Variants in CDK5RAP1 observed in about 807,000 individuals in gnomAD.
The protein encoded by CDK5RAP1 is CDK5RAP1 mitochondrial tRNA methylthiotransferase, also known as mitochondrial tRNA methylthiotransferase CDK5RAP1.
CDK5RAP1 carries 62 observed loss-of-function variants against 64.5 expected under a neutral mutation model. The observed-to-expected ratio is 0.96, with a 90% CI of 0.78 to 1.19. The LOEUF is 1.19. CDK5RAP1 is among the 50% of genes most tolerant of loss of function. The probability of loss-of-function intolerance (pLI) is 0.00; values close to 1 mark genes in which losing one functional copy is unlikely to be tolerated. For missense variants in CDK5RAP1, 657 were observed against 735.0 expected (o/e 0.89, Z 1.23); for synonymous variants, 250 against 261.9 (o/e 0.95, Z 0.44).
chr20:33,376,917 G>A (rs1247976743), intron 8 of CDK5RAP1, among the ~76,000 whole-genome samples: 2 of 152,170 alleles, frequency 1.3e-5, no homozygotes, highest in Non-Finnish European at 2.9e-5. Flanking sequence ...ATGATTTTGA[G>A]GGGCTCACGA....
rs565011192 is a variant in CDK5RAP1 at position 33,367,101 on chromosome 20, C to G, written c.1393-93G>C. 1,618 of 1,251,266 alleles carry G rather than the reference C, an allele frequency of 1.3e-3. 40 individuals carry two copies. In the South Asian group the frequency reaches 0.023, roughly 18 times the overall value. The allele number at this position is 1,251,266 out of a possible 1,614,324, so 77.5% of individuals were successfully genotyped here. On this transcript the variant is annotated intron_variant, in intron 11 of 13. Coordinates refer to ENST00000346416, the MANE Select transcript of CDK5RAP1 (RefSeq NM_016408.4). The stretch of plus-strand genomic sequence containing the variant: ...ACAGAGGGCGACCATGTTCATTCTA[C>G]CTACAAGTAACAGACACATGTACAG...
chr20:33,370,115 A>G (rs1206865755), intron 11 of CDK5RAP1, among the ~76,000 whole-genome samples: 1 of 152,214 alleles, frequency 6.6e-6, no homozygotes, highest in East Asian at 1.9e-4. Context: ...GGAATCACTG[A>G]GGATGGCTGG....
chr20:33,385,109 T>A (rs2146674261), intron 7 of CDK5RAP1, among the ~76,000 whole-genome samples: 1 of 152,270 alleles, frequency 6.6e-6, no homozygotes, highest in East Asian at 1.9e-4. Flanking sequence ...CAGCTCCCAG[T>A]GGGAGAAAGA....
Position 33,392,195 on chromosome 20 carries a change from G to T in CDK5RAP1, c.491C>A (p.Ala164Asp). The T allele has an allele frequency of 1.9e-6, 3 of 1,614,000 alleles. No homozygotes were observed. Among genetic ancestry groups the T allele is most frequent in the Non-Finnish European group, 2.5e-6 (3 of 1,179,880 alleles). Residue 164 changes from alanine to aspartate, a missense_variant, in exon 5 of 14, where the codon GCC (alanine) becomes GAC (aspartate). Physicochemically the swap from Ala to Asp is moderately radical, Grantham distance 126. Coordinates refer to ENST00000346416, the MANE Select transcript of CDK5RAP1 (RefSeq NM_016408.4). The stretch of plus-strand genomic sequence containing the variant: ...GGAGCGGGGCCGCCTTGTCTTCAAG[G>T]CTTTAAGCTGATGTAAACGGTTCCA... ...TIWNRLHQLK[A>D]LKTRRPRSRV...
At chr20:33,390,968 T>G (rs566526351) in intron 5 of CDK5RAP1, among the ~76,000 whole-genome samples, 30 of 152,272 alleles carry the variant, frequency 2.0e-4, no homozygotes, top group African/African-American at 7.0e-4. Flanking sequence ...AATAAGATGA[T>G]AGGCCTGGTG....
At chr20:33,363,112 T>A (rs2146579082) in intron 12 of CDK5RAP1, among the ~76,000 whole-genome samples, 1 of 152,328 alleles carries the variant, frequency 6.6e-6, no homozygotes, top group South Asian at 2.1e-4. Flanking sequence ...ACATCATCTC[T>A]CTGGTATTCC....
chr20:33,377,292 T>G (rs770876051), intron 8 of CDK5RAP1, among the ~76,000 whole-genome samples: 1 of 152,222 alleles, frequency 6.6e-6, no homozygotes, highest in African/African-American at 2.4e-5. Flanking sequence ...AACAGAAGAC[T>G]GTTCATTTAC....
chr20:33,372,503 G>GAGAGAA, intron 10 of CDK5RAP1, 139 bp downstream of exon 10: 1 of 498,048 alleles, frequency 2.0e-6, no homozygotes, highest in Non-Finnish European at 3.5e-6. Context: ...AATACGAGGA[G>GAGAGAA]AGAGAAAGAG....
At chr20:33,372,894 T>G in intron 9 of CDK5RAP1, 197 bp from the exon 10 acceptor site, 2 of 396,162 alleles carry the variant, frequency 5.0e-6, no homozygotes, top group Non-Finnish European at 8.9e-6. Context: ...GCCTATGAAT[T>G]TTTATTTAAG....
At chr20:33,393,482 A>C (rs1988560107) in intron 4 of CDK5RAP1, among the ~76,000 whole-genome samples, 1 of 152,094 alleles carries the variant, frequency 6.6e-6, no homozygotes, top group South Asian at 2.1e-4. Context: ...CCCAAAGCAC[A>C]TAGTTCAGTG....
chr20:33,394,151 T>C (rs1988639420), intron 3 of CDK5RAP1, 85 bp from the exon 4 acceptor site: 3 of 968,358 alleles, frequency 3.1e-6, no homozygotes, highest in Non-Finnish European at 4.9e-6. Context: ...CAGCTCTTTA[T>C]TATTTTTTTT....
intron 1 of CDK5RAP1, among the ~76,000 whole-genome samples, chr20:33,398,017 C>CT (rs749970116): frequency 6.6e-6 from 1 of 152,000 alleles, no homozygotes; most frequent in Non-Finnish European, 1.5e-5. Context: ...GAGTTTCAAA[C>CT]TACTACCTTC....
At chr20:33,378,962 T>C (rs1432607285) in intron 8 of CDK5RAP1, among the ~76,000 whole-genome samples, 3 of 152,130 alleles carry the variant, frequency 2.0e-5, no homozygotes, top group East Asian at 3.9e-4. Context: ...GGCAGACTTT[T>C]TTTTCGAGAC....
Position 33,372,680 on chromosome 20 carries a change from T to C in CDK5RAP1, c.1223A>G (p.Tyr408Cys). The change falls in exon 10 of 14, where the codon TAT becomes TGT. Residue 408 changes from tyrosine to cysteine, a missense_variant. Transcript: ENST00000346416. Reference protein sequence around the residue: ...AMRRGYSREAYVELVHHIRES... With the variant: ...AMRRGYSREACVELVHHIRES... Reference sequence around the variant, plus strand: ...TCTAATATGGTGAACTAACTCCACATAAGCTTCTCTTGAATATCTGCAATA... The same window carrying C: ...TCTAATATGGTGAACTAACTCCACACAAGCTTCTCTTGAATATCTGCAATA... 1 of 1,583,146 alleles carries C rather than the reference T, an allele frequency of 6.3e-7. No homozygotes were observed. The highest frequency in any genetic ancestry group is 1.2e-5 in the South Asian group (1 of 86,232).
chr20:33,387,568 A>T, intron 5 of CDK5RAP1, 35 bp from the exon 6 acceptor site: 1 of 1,540,742 alleles, frequency 6.5e-7, no homozygotes, highest in East Asian at 2.2e-5. Context: ...CCTTTCCCCA[A>T]ATCCACCTGG....
chr20:33,379,262 A>G (rs894898089), intron 8 of CDK5RAP1, among the ~76,000 whole-genome samples, 199 bp downstream of exon 8: 1 of 152,038 alleles, frequency 6.6e-6, no homozygotes, highest in Non-Finnish European at 1.5e-5. Context: ...AAGTGTTGAG[A>G]TTATTGGTGT....
At chr20:33,360,282 T>G in intron 13 of CDK5RAP1, 69 bp downstream of exon 13, 1 of 1,502,872 alleles carries the variant, frequency 6.7e-7, no homozygotes, top group Non-Finnish European at 9.1e-7. Context: ...GAAAAAACTT[T>G]ATTACCACAA....
In CDK5RAP1 at chr20:33,385,688, C is replaced by T. The variant is rs1453863260; in HGVS notation, c.838G>A (p.Ala280Thr). The T allele has an allele frequency of 1.2e-6, 2 of 1,614,132 alleles. No homozygotes were observed. Among genetic ancestry groups the T allele is most frequent in the South Asian group, 2.2e-5 (2 of 91,084 alleles). The change falls in exon 7 of 14, where the codon GCC becomes ACC. Residue 280 changes from alanine to threonine, a missense_variant. Ala to Thr is a moderately conservative substitution (Grantham distance 58, BLOSUM62 0). Coordinates refer to ENST00000346416, the MANE Select transcript of CDK5RAP1 (RefSeq NM_016408.4). ...TRGRERSRPI[A>T]SILEEVKKLS... is the part of the protein sequence containing the mutation. The stretch of plus-strand genomic sequence containing the variant: ...TTCTTCACTTCCTCTAGAATGGAGG[C>T]AATAGGCCGACTCCTCTCCCTGCCC...
chr20:33,378,217 T>G (rs757405832), intron 8 of CDK5RAP1, among the ~76,000 whole-genome samples: 1 of 152,184 alleles, frequency 6.6e-6, no homozygotes, highest in Non-Finnish European at 1.5e-5. Context: ...TGTAGGGTGA[T>G]TAAATGGCCC....
Sources: allele counts gnomAD v4.1 joint callset (sites outside exome capture counted in the v4.1 genomes callset), GRCh38; gene constraint gnomAD v4.1.1; transcripts MANE v1.5; gene names NCBI Gene and HGNC (gene_info 2026-07-23, HGNC 2026-07-21).